Variants in TSHZ2 observed in about 807,000 individuals in gnomAD.
TSHZ2 encodes teashirt zinc finger homeobox 2.
Under a neutral mutation model 74.4 loss-of-function variants are expected in TSHZ2, and 21 were observed. That is an observed-to-expected ratio of 0.28 (90% confidence interval 0.20 to 0.41). The LOEUF (loss-of-function observed/expected upper bound fraction) is 0.41. TSHZ2 is among the 10% of genes least tolerant of loss of function. TSHZ2 has a pLI of 1.00. For missense variants in TSHZ2, 1,244 were observed against 1,293.5 expected, an observed-to-expected ratio of 0.96 and a Z score of 0.59; for synonymous variants, 540 against 515.3, an observed-to-expected ratio of 1.05 and a Z score of -0.65.
rs560535652 is a variant in TSHZ2 at position 53,407,277 on chromosome 20, C to A, written c.*9-79867C>A. On this transcript the variant is annotated intron_variant, in intron 2 of 2. Transcript: ENST00000371497. The stretch of plus-strand genomic sequence containing the variant: ...CTTGGCCCCCAATCCACCCACCAAG[C>A]CCTCCAGCATACTCAGCAAAACAAT... 5.9e-5 allele frequency among the ~76,000 whole-genome samples: 9 copies of A among 152,292 alleles called. No homozygotes were observed. The South Asian group carries it at 1.9e-3, about 32-fold the overall frequency.
At chr20:53,212,139 A>G (rs1989324136) in intron 1 of TSHZ2, among the ~76,000 whole-genome samples, 1 of 152,176 alleles carries the variant, frequency 6.6e-6, no homozygotes, top group African/African-American at 2.4e-5. Context: ...CTGCTTCTCT[A>G]ATGAAGTTGT....
chr20:53,051,451 G>GCACACACACA, intron 1 of TSHZ2, among the ~76,000 whole-genome samples: 1 of 87,576 alleles, frequency 1.1e-5, no homozygotes, highest in Non-Finnish European at 2.4e-5. Flanking sequence ...TTACTCTGTG[G>GCACACACACA]CGCACGCACA....
At chr20:52,981,165 C>A (rs551910463) in intron 1 of TSHZ2, among the ~76,000 whole-genome samples, 1 of 152,296 alleles carries the variant, frequency 6.6e-6, no homozygotes, top group South Asian at 2.1e-4. Context: ...AGATTTGAGA[C>A]TGTGGATGGA....
rs548632693 is a variant in TSHZ2 at position 53,127,989 on chromosome 20, A to G, written c.41-125510A>G. Reference sequence around the variant, plus strand: ...AAAGTCTCTGTCTTTTGATTTGCAAATGAGTGTTCTTTTTTTAATACCATG... The same window carrying G: ...AAAGTCTCTGTCTTTTGATTTGCAAGTGAGTGTTCTTTTTTTAATACCATG... On this transcript the variant is annotated intron_variant, in intron 1 of 2. Transcript: ENST00000371497. 2.0e-4 allele frequency among the ~76,000 whole-genome samples: 30 copies of G among 150,960 alleles called. No homozygotes were observed. The South Asian group carries it at 5.2e-3, about 26-fold the overall frequency.
At chr20:53,031,632 A>T (rs1983642375) in intron 1 of TSHZ2, among the ~76,000 whole-genome samples, 1 of 152,182 alleles carries the variant, frequency 6.6e-6, no homozygotes, top group African/African-American at 2.4e-5. Context: ...AAGTGTATAG[A>T]GGGTTGAGGA....
intron 2 of TSHZ2, among the ~76,000 whole-genome samples, chr20:53,380,216 C>T (rs1981810841): frequency 6.6e-6 from 1 of 151,938 alleles, no homozygotes; most frequent in Admixed American, 6.6e-5. Context: ...TAAATTCTTT[C>T]ATAACAGTGT....
At chr20:53,122,867 C>T (rs1433338290) in intron 1 of TSHZ2, among the ~76,000 whole-genome samples, 1 of 152,222 alleles carries the variant, frequency 6.6e-6, no homozygotes, top group African/African-American at 2.4e-5. Context: ...GGCCCACTCT[C>T]AACCCCCACT....
chr20:53,083,610 G>C (rs1169735823), intron 1 of TSHZ2, among the ~76,000 whole-genome samples: 1 of 152,170 alleles, frequency 6.6e-6, no homozygotes, highest in Non-Finnish European at 1.5e-5. Context: ...GTTTATTCAG[G>C]CTCAAACCTT....
chr20:53,411,354 C>T (rs1362604529), intron 2 of TSHZ2, among the ~76,000 whole-genome samples: 4 of 152,142 alleles, frequency 2.6e-5, no homozygotes, highest in East Asian at 3.9e-4. Flanking sequence ...GGGCAGCCTG[C>T]GGACTCTGGG....
chr20:53,221,443 G>A (rs1989555176), intron 1 of TSHZ2, among the ~76,000 whole-genome samples: 1 of 152,146 alleles, frequency 6.6e-6, no homozygotes, highest in Non-Finnish European at 1.5e-5. Flanking sequence ...GTTATCTTCT[G>A]GGTCAGCAGG....
chr20:53,267,638 C>T (rs1006615407), intron 2 of TSHZ2, among the ~76,000 whole-genome samples: 2 of 152,170 alleles, frequency 1.3e-5, no homozygotes, highest in African/African-American at 4.8e-5. Flanking sequence ...CCTGTCTGTA[C>T]CTACAAAGGG....
At chr20:53,134,925 T>A (rs1397486407) in intron 1 of TSHZ2, among the ~76,000 whole-genome samples, 1 of 151,524 alleles carries the variant, frequency 6.6e-6, no homozygotes, top group Non-Finnish European at 1.5e-5. Flanking sequence ...GTTTGTGACA[T>A]TTATACTCTT....
At chr20:53,170,408 T>C (rs6097270) in intron 1 of TSHZ2, among the ~76,000 whole-genome samples, 6,441 of 152,344 alleles carry the variant, frequency 0.042, 275 homozygotes, top group African/African-American at 0.1. Flanking sequence ...TGCCAAAATC[T>C]GAGTCTGCTT....
At chr20:53,054,002 A>C (rs1297771876) in intron 1 of TSHZ2, among the ~76,000 whole-genome samples, 1 of 152,160 alleles carries the variant, frequency 6.6e-6, no homozygotes, top group Non-Finnish European at 1.5e-5. Context: ...GATTTTATTG[A>C]GTGCCAGATT....
intron 1 of TSHZ2, among the ~76,000 whole-genome samples, chr20:53,202,971 C>T (rs996499928): frequency 9.9e-5 from 15 of 152,068 alleles, no homozygotes; most frequent in Admixed American, 8.5e-4. Flanking sequence ...AAGCCATTAG[C>T]GATGAATCAT....
chr20:53,333,423 G>A (rs984444807), intron 2 of TSHZ2, among the ~76,000 whole-genome samples: 1 of 151,812 alleles, frequency 6.6e-6, no homozygotes, highest in Non-Finnish European at 1.5e-5. Context: ...GGGAGGCCCA[G>A]AGCACTCCTC....
chr20:52,998,913 C>T (rs994117347), intron 1 of TSHZ2, among the ~76,000 whole-genome samples: 7 of 152,210 alleles, frequency 4.6e-5, no homozygotes, highest in Non-Finnish European at 7.3e-5. Context: ...TCTGTTTATT[C>T]AATTCCAGGT....
chr20:53,274,138 C>T lies in TSHZ2; in HGVS notation c.*8+17567C>T, dbSNP rs754990391. 6.6e-5 allele frequency among the ~76,000 whole-genome samples: 10 copies of T among 152,192 alleles called. No individual in the cohort carries two copies. In the East Asian group the frequency reaches 7.7e-4, roughly 12 times the overall value. On this transcript the variant is annotated intron_variant, in intron 2 of 2. Transcript: ENST00000371497. ...TACAAAAATTAGCTGGGTGTGGTGG[C>T]GCGTGCCTGTAATCCCAGCTACTCA... is the stretch of plus-strand genomic sequence containing the variant.
chr20:53,060,648 A>G (rs920583381), intron 1 of TSHZ2, among the ~76,000 whole-genome samples: 1 of 152,278 alleles, frequency 6.6e-6, no homozygotes, highest in Non-Finnish European at 1.5e-5. Flanking sequence ...CCATCTTCAG[A>G]AAACTCAAAA....
Sources: gnomAD v4.1 joint callset for allele counts (sites outside exome capture counted in the v4.1 genomes callset) on GRCh38, gnomAD v4.1.1 for gene constraint, MANE v1.5 for transcripts, NCBI Gene and HGNC (gene_info 2026-07-23, HGNC 2026-07-21) for gene names.